Variants in B4GALT5 observed in about 807,000 individuals in gnomAD.
B4GALT5 encodes UDP-Gal:beta-GlcNAc beta-1,4-galactosyltransferase 5.
A neutral mutation model predicts 45.0 loss-of-function variants in B4GALT5; 11 were observed. The ratio of observed to expected loss-of-function variants is 0.24; its 90% CI spans 0.15 to 0.40. The LOEUF (loss-of-function observed/expected upper bound fraction) is 0.40, where lower values mean the gene tolerates loss of function less well. B4GALT5 is among the 10% of genes least tolerant of loss of function. B4GALT5 has a pLI of 1.00. For missense variants in B4GALT5, 337 were observed against 500.2 expected (o/e 0.67, Z 3.11); for synonymous variants, 185 against 182.9 (o/e 1.01, Z -0.09).
chr20:49,657,645 T>C (rs966392259), intron 1 of B4GALT5, among the ~76,000 whole-genome samples: 1 of 152,224 alleles, frequency 6.6e-6, no homozygotes, highest in Non-Finnish European at 1.5e-5. Flanking sequence ...ATCTAAACTT[T>C]GTGGGTGTCT....
chr20:49,698,975 G>A (rs189986414), intron 1 of B4GALT5, among the ~76,000 whole-genome samples: 15 of 152,056 alleles, frequency 9.9e-5, no homozygotes, highest in East Asian at 1.9e-4. Flanking sequence ...ACAATTTATC[G>A]TAGCCTAAGC....
At position 49,656,567 on chromosome 20, in the gene B4GALT5, C is replaced by A; in HGVS notation, c.250+1G>T. 1 of 1,614,038 alleles carries A rather than the reference C, an allele frequency of 6.2e-7. No individual in the cohort carries two copies. Among genetic ancestry groups the A allele is most frequent in the Non-Finnish European group, 8.5e-7 (1 of 1,179,956 alleles). On this transcript the variant is annotated splice_donor_variant, in intron 2 of 8. Transcript: ENST00000371711. LOFTEE classifies it high-confidence loss of function. ...AGACCACCTCTTTACTAAAAATATA[C>A]CTGAGTCATTTACACTGCTGTTCCT...
intron 1 of B4GALT5, chr20:49,684,541 C>T (rs1372425042): frequency 2.5e-5 from 13 of 514,414 alleles, no homozygotes; most frequent in South Asian, 1.3e-4. Context: ...CCAGCCTGGG[C>T]GATAGAGCAA....
intron 3 of B4GALT5, among the ~76,000 whole-genome samples, 197 bp downstream of exon 3, chr20:49,646,768 G>A (rs909677486): frequency 1.3e-5 from 2 of 152,176 alleles, no homozygotes; most frequent in African/African-American, 4.8e-5. Flanking sequence ...AGTAGGAAAG[G>A]TAGAAAATGG....
In B4GALT5 at chr20:49,634,183, GAACA is replaced by G. The variant is rs1347966846; in HGVS notation, c.*2125_*2128del. 1 of 152,262 alleles carries G rather than the reference GAACA, an allele frequency of 6.6e-6. No homozygotes were observed. The highest frequency in any genetic ancestry group is 2.4e-5 in the African/African-American group (1 of 41,312). 9.4% of individuals were successfully genotyped at this position (152,262 alleles called of 1,614,324 possible). On this transcript the variant is annotated 3_prime_UTR_variant, in exon 9 of 9. Transcript: ENST00000371711. Reference sequence around the variant, plus strand: ...CTAAATACCACTCTATTCTTCAAAAGAACAAAAACACAAACAAACAAACAAACAA... The same window carrying G: ...CTAAATACCACTCTATTCTTCAAAAGAAAACACAAACAAACAAACAAACAA...
At chr20:49,695,271 C>G (rs2085834259) in intron 1 of B4GALT5, among the ~76,000 whole-genome samples, 1 of 151,922 alleles carries the variant, frequency 6.6e-6, no homozygotes, top group Admixed American at 6.6e-5. Context: ...ACACACAACC[C>G]CCTACACAAT....
At chr20:49,648,729 G>T (rs531653312) in intron 2 of B4GALT5, among the ~76,000 whole-genome samples, 172 of 152,314 alleles carry the variant, frequency 1.1e-3, no homozygotes, top group African/African-American at 4.1e-3. Flanking sequence ...GATGGCAGAT[G>T]TCTTTTTCCT....
At chr20:49,710,169 T>A (rs2085901816) in intron 1 of B4GALT5, among the ~76,000 whole-genome samples, 5 of 152,202 alleles carry the variant, frequency 3.3e-5, no homozygotes. Context: ...TCTCTAGCCC[T>A]TGAGCACAAT....
At chr20:49,704,748 A>AC (rs969392389) in intron 1 of B4GALT5, among the ~76,000 whole-genome samples, 2 of 151,344 alleles carry the variant, frequency 1.3e-5, no homozygotes, top group African/African-American at 2.4e-5. Flanking sequence ...ACAAAAAAAA[A>AC]CCACAACATT....
intron 1 of B4GALT5, among the ~76,000 whole-genome samples, chr20:49,677,199 G>C (rs530424935): frequency 1.3e-4 from 19 of 151,786 alleles, no homozygotes; most frequent in Admixed American, 1.2e-3. Context: ...AACCACACCC[G>C]CTATGGTGCA....
At chr20:49,688,327 G>A (rs547182772) in intron 1 of B4GALT5, among the ~76,000 whole-genome samples, 97 of 152,246 alleles carry the variant, frequency 6.4e-4, no homozygotes, top group African/African-American at 2.3e-3. Flanking sequence ...AAAGATTAAA[G>A]TTCAGGACAC....
chr20:49,693,273 T>C (rs2085824197), intron 1 of B4GALT5, among the ~76,000 whole-genome samples: 1 of 152,216 alleles, frequency 6.6e-6, no homozygotes, highest in Non-Finnish European at 1.5e-5. Flanking sequence ...TCAATCACGG[T>C]AGCAATAACA....
chr20:49,713,072 G>A (rs535103389), intron 1 of B4GALT5, among the ~76,000 whole-genome samples: 5 of 151,854 alleles, frequency 3.3e-5, no homozygotes, highest in Admixed American at 2.0e-4. Context: ...GGAGTCATGG[G>A]GAGTGGGGGA....
intron 5 of B4GALT5, among the ~76,000 whole-genome samples, chr20:49,642,136 C>T (rs1182390981): frequency 1.3e-5 from 2 of 152,198 alleles, no homozygotes; most frequent in African/African-American, 4.8e-5. Context: ...TCCAAGGCCA[C>T]ATCCTCTGTG....
intron 6 of B4GALT5, 25 bp from the exon 7 acceptor site, chr20:49,639,825 T>A: frequency 6.2e-7 from 1 of 1,610,762 alleles, no homozygotes; most frequent in Non-Finnish European, 8.5e-7. Context: ...GGGACATCAA[T>A]CATCTGTGTG....
intron 1 of B4GALT5, among the ~76,000 whole-genome samples, chr20:49,690,216 G>C (rs1257651648): frequency 6.6e-6 from 1 of 152,136 alleles, no homozygotes; most frequent in East Asian, 1.9e-4. Context: ...ATGTTGGTCA[G>C]GCTGGTCTCG....
In B4GALT5 at chr20:49,713,438, C is replaced by CG. The variant is rs2085928675; in HGVS notation, c.115+137dup. ...GGAATGTCCTGGCGTCCCCGAGAGC[C>CG]GGGCCAGGACTCCGGAGTCTTCGGA... On this transcript the variant is annotated intron_variant, in intron 1 of 8. Transcript: ENST00000371711. 5 of 784,156 alleles carry CG rather than the reference C, an allele frequency of 6.4e-6. No individual in the cohort carries two copies. In the South Asian group the frequency reaches 8.6e-5, roughly 13 times the overall value. 48.6% of individuals were successfully genotyped at this position (784,156 alleles called of 1,614,324 possible). A position where few individuals can be genotyped will look rare whatever the true frequency, so the allele number is the denominator to read the frequency against.
rs1568714764 is a variant in B4GALT5, at chr20:49,640,609, T to C, written c.663A>G (p.Ala221=). The change falls in exon 6 of 9, where the codon GCA becomes GCG. Residue 221 remains alanine (A), a synonymous_variant. Transcript: ENST00000371711. ...AACAGTCCCAATCCAAGTCTTTCATTGCCTCTTGAAAGCCAACGTTGAAAA... is the reference window on the plus strand; with the variant it reads ...AACAGTCCCAATCCAAGTCTTTCATCGCCTCTTGAAAGCCAACGTTGAAAA... ...AMLFNVGFQE[A]MKDLDWDCLI... The C allele has an allele frequency of 3.1e-6, 5 of 1,614,014 alleles. No homozygotes were observed. The highest frequency in any genetic ancestry group is 4.2e-6 in the Non-Finnish European group (5 of 1,179,978).
intron 1 of B4GALT5, among the ~76,000 whole-genome samples, chr20:49,667,044 A>G (rs963496416): frequency 1.6e-4 from 25 of 152,188 alleles, no homozygotes; most frequent in African/African-American, 5.8e-4. Context: ...TTAGAGATGA[A>G]AAAAACTCAG....
Sources: gnomAD v4.1 joint callset for allele counts (sites outside exome capture counted in the v4.1 genomes callset) on GRCh38, gnomAD v4.1.1 for gene constraint, MANE v1.5 for transcripts, NCBI Gene and HGNC (gene_info 2026-07-23, HGNC 2026-07-21) for gene names.